Variants in MYO16 observed in about 807,000 individuals in gnomAD.
MYO16 encodes the protein unconventional myosin-XVI.
MYO16 carries 94 observed loss-of-function variants against 205.3 expected under a neutral mutation model. The ratio of observed to expected loss-of-function variants is 0.46; its 90% CI spans 0.39 to 0.54. The LOEUF (loss-of-function observed/expected upper bound fraction) is 0.54. Among genes scored for constraint, MYO16 ranks in the 20% least tolerant of loss-of-function variants. MYO16 has a pLI of 0.00. For synonymous variants in MYO16, 988 were observed against 954.0 expected, an observed-to-expected ratio of 1.04 and a Z score of -0.66; for missense variants, 2,315 against 2,387.5, an observed-to-expected ratio of 0.97 and a Z score of 0.63.
Position 108,879,806 on chromosome 13 carries a change from G to C in MYO16, c.1426-3253G>C, listed in dbSNP as rs1451623399. Among the ~76,000 whole-genome samples, 4 of 152,134 alleles carry C rather than the reference G, an allele frequency of 2.6e-5. No individual in the cohort carries two copies. In the South Asian group the frequency reaches 6.2e-4, roughly 24 times the overall value. On this transcript the variant is annotated intron_variant, in intron 12 of 34. Transcript: ENST00000457511. ...TTCCAAGTCTTTGCCATTGTGAGTA[G>C]TGCCGCAATAAACATACATGTGCAC...
chr13:108,595,366 T>C (rs1271909340), upstream of MYO16, among the ~76,000 whole-genome samples: 1 of 152,118 alleles, frequency 6.6e-6, no homozygotes, highest in Admixed American at 6.6e-5. Context: ...CCACCCCACA[T>C]GGCTGGAAGG....
At chr13:108,715,001 C>T (rs906777509) in intron 3 of MYO16, among the ~76,000 whole-genome samples, 2 of 152,124 alleles carry the variant, frequency 1.3e-5, no homozygotes, top group South Asian at 2.1e-4. Flanking sequence ...CATTCACAGC[C>T]GGGTCGTGTC....
Position 108,962,465 on chromosome 13 carries a change from G to T in MYO16, c.2197G>T (p.Ala733Ser). 2 of 1,596,248 alleles carry T rather than the reference G, an allele frequency of 1.3e-6. No individual in the cohort carries two copies. The highest frequency in any genetic ancestry group is 8.5e-7 in the Non-Finnish European group (1 of 1,174,678). Reference protein sequence around the residue: ...LQVSTDELASALTTDIQYFKG... With the variant: ...LQVSTDELASSLTTDIQYFKG... ...AGTATCAACAGATGAATTGGCATCTGCCTTAACAACTGATATTCAATATTT... is the reference window on the plus strand; with the variant it reads ...AGTATCAACAGATGAATTGGCATCTTCCTTAACAACTGATATTCAATATTT... Residue 733 changes from alanine (A) to serine (S), a missense_variant, in exon 19 of 35, where the codon GCC (alanine) becomes TCC (serine). Transcript: ENST00000457511.
At chr13:108,746,359 A>G (rs978583508) in intron 4 of MYO16, among the ~76,000 whole-genome samples, 2 of 152,216 alleles carry the variant, frequency 1.3e-5, no homozygotes, top group African/African-American at 4.8e-5. Context: ...GGTGGCAAGA[A>G]ACAGTAATTT....
chr13:109,037,249 C>T (rs952284964), intron 23 of MYO16, among the ~76,000 whole-genome samples: 1 of 152,164 alleles, frequency 6.6e-6, no homozygotes, highest in Admixed American at 6.5e-5. Context: ...CTTCTCTATG[C>T]GAAGTTATTG....
chr13:109,040,383 C>CAGAGAGAGAGAG (rs1482536301), intron 23 of MYO16, among the ~76,000 whole-genome samples: 2 of 70,074 alleles, frequency 2.9e-5, no homozygotes, highest in African/African-American at 1.0e-4. Flanking sequence ...CACACACACA[C>CAGAGAGAGAGAG]ACAGAGAGAG....
intron 1 of MYO16, among the ~76,000 whole-genome samples, chr13:108,659,055 C>T (rs542703994): frequency 3.6e-4 from 55 of 150,880 alleles, no homozygotes; most frequent in African/African-American, 1.2e-3. Context: ...AATAAATTTA[C>T]ATATTCTTTT....
chr13:109,153,256 A>G lies in MYO16; in HGVS notation c.5165-11645A>G, dbSNP rs572237311. On this transcript the variant is annotated intron_variant, in intron 32 of 34. Coordinates refer to ENST00000457511, the MANE Select transcript of MYO16 (RefSeq NM_001198950.3). ...CGGGCAAATAGGAAACAAAATCTCCAAAGAGAAAGCATCAGAACAAGAGGA... is the reference window on the plus strand; with the variant it reads ...CGGGCAAATAGGAAACAAAATCTCCGAAGAGAAAGCATCAGAACAAGAGGA... Among the ~76,000 whole-genome samples, 57 of 152,282 alleles carry G rather than the reference A, an allele frequency of 3.7e-4. 1 individual carries two copies. The highest frequency in any genetic ancestry group is 1.3e-3 in the African/African-American group (56 of 41,560).
intron 16 of MYO16, among the ~76,000 whole-genome samples, chr13:108,928,127 A>G (rs1488725523): frequency 6.6e-6 from 1 of 151,994 alleles, no homozygotes; most frequent in East Asian, 1.9e-4. Context: ...TCCTTTCTCT[A>G]CAAGGAGAGA....
intron 15 of MYO16, among the ~76,000 whole-genome samples, chr13:108,904,663 T>TG (rs1285408823): frequency 1.3e-5 from 2 of 152,118 alleles, no homozygotes; most frequent in Non-Finnish European, 2.9e-5. Context: ...TTGTTCATTA[T>TG]GAAAAAAAGT....
chr13:108,917,549 G>A (rs772979946), intron 16 of MYO16, among the ~76,000 whole-genome samples: 5 of 152,152 alleles, frequency 3.3e-5, no homozygotes, highest in Non-Finnish European at 7.4e-5. Flanking sequence ...TACTCATACA[G>A]GACCATCAAT....
At chr13:108,520,720 C>T in the MYO16 span, among the ~76,000 whole-genome samples, 1 of 152,220 alleles carries the variant, frequency 6.6e-6, no homozygotes, top group African/African-American at 2.4e-5. Flanking sequence ...TGGATGCATA[C>T]AATTTAAAAG....
chr13:108,663,657 G>A (rs533734146), intron 1 of MYO16, among the ~76,000 whole-genome samples: 1 of 152,268 alleles, frequency 6.6e-6, no homozygotes, highest in South Asian at 2.1e-4. Context: ...AAAACTCAAT[G>A]AATCATGATC....
chr13:108,923,812 A>G (rs923777970), intron 16 of MYO16, among the ~76,000 whole-genome samples: 1 of 152,238 alleles, frequency 6.6e-6, no homozygotes, highest in Non-Finnish European at 1.5e-5. Flanking sequence ...ACTTCATAGT[A>G]AACCTCATCA....
chr13:108,940,427 ACT>A (rs916058577), intron 16 of MYO16, among the ~76,000 whole-genome samples: 6 of 152,004 alleles, frequency 3.9e-5, no homozygotes, highest in African/African-American at 1.4e-4. Flanking sequence ...TTGATCAGAA[ACT>A]CTCTATGTGC....
the MYO16 span, among the ~76,000 whole-genome samples, chr13:108,526,483 T>C: frequency 9.1e-6 from 1 of 109,656 alleles, no homozygotes; most frequent in African/African-American, 5.4e-5. Flanking sequence ...TGGGGGCATC[T>C]TTTTTCCCCA....
intron 1 of MYO16, among the ~76,000 whole-genome samples, chr13:108,606,057 T>C (rs116937159): frequency 0.012 from 1,900 of 152,282 alleles, 44 homozygotes; most frequent in South Asian, 0.087. Context: ...ACTGATGGCA[T>C]TTTTCCCCTG....
rs551832900 is a variant in MYO16, at chr13:108,598,661, G to C, written c.-39+2422G>C. Among the ~76,000 whole-genome samples, 3 of 152,036 alleles carry C rather than the reference G, an allele frequency of 2.0e-5. 1 individual carries two copies. The highest frequency in any genetic ancestry group is 2.0e-4 in the Admixed American group (3 of 15,238). ...GAAATAGGCAGGAATGAATAAGTACGTGTTGAATTCTTATGTGATTTGTAA... is the reference window on the plus strand; with the variant it reads ...GAAATAGGCAGGAATGAATAAGTACCTGTTGAATTCTTATGTGATTTGTAA... On this transcript the variant is annotated intron_variant, in intron 1 of 24. Coordinates refer to the MYO16 transcript ENST00000251041.
chr13:109,048,241 A>C, intron 24 of MYO16: 1 of 608,684 alleles, frequency 1.6e-6, no homozygotes, highest in South Asian at 2.0e-5. Context: ...TGCTTATCTT[A>C]ATAGAGTCCC....
Sources: allele counts gnomAD v4.1 joint callset (sites outside exome capture counted in the v4.1 genomes callset), GRCh38; gene constraint gnomAD v4.1.1; transcripts MANE v1.5; gene names NCBI Gene and HGNC (gene_info 2026-07-23, HGNC 2026-07-21).